FOXN3: variants seen among roughly 807,000 people sequenced by gnomAD.
FOXN3 encodes forkhead box protein N3.
Under a neutral mutation model 38.4 loss-of-function variants are expected in FOXN3, and 7 were observed. The ratio of observed to expected loss-of-function variants is 0.18; its 90% CI spans 0.10 to 0.34. The LOEUF (loss-of-function observed/expected upper bound fraction) is 0.34. Among genes scored for constraint, FOXN3 ranks in the 10% least tolerant of loss-of-function variants. The pLI is 1.00. For synonymous variants in FOXN3, 230 were observed against 242.2 expected (o/e 0.95, Z 0.47); for missense variants, 456 against 613.4 (o/e 0.74, Z 2.71).
intron 1 of FOXN3, among the ~76,000 whole-genome samples, chr14:89,432,621 T>C (rs990221023): frequency 2.0e-5 from 3 of 152,124 alleles, no homozygotes; most frequent in Non-Finnish European, 2.9e-5. Flanking sequence ...AAGATCCCCA[T>C]GTCCCTCTGG....
intron 4 of FOXN3, among the ~76,000 whole-genome samples, chr14:89,249,799 C>T (rs1885401454): frequency 6.6e-6 from 1 of 152,176 alleles, no homozygotes; most frequent in African/African-American, 2.4e-5. Flanking sequence ...GGGACAGGCT[C>T]TTCAGCCCAT....
At chr14:89,510,145 G>T (rs441026) in intron 1 of FOXN3, among the ~76,000 whole-genome samples, 60,672 of 152,062 alleles carry the variant, frequency 0.4, 13,936 homozygotes, top group Non-Finnish European at 0.52. Flanking sequence ...AGGCAGGAAG[G>T]AGAATTCCTC....
intron 3 of FOXN3, among the ~76,000 whole-genome samples, chr14:89,325,733 C>A (rs1359931843): frequency 6.6e-6 from 1 of 152,204 alleles, no homozygotes; most frequent in Non-Finnish European, 1.5e-5. Context: ...GGTGACACTG[C>A]AGGCCCTGAC....
At chr14:89,370,455 A>C (rs1890284957) in intron 2 of FOXN3, among the ~76,000 whole-genome samples, 1 of 152,234 alleles carries the variant, frequency 6.6e-6, no homozygotes, top group Non-Finnish European at 1.5e-5. Flanking sequence ...GATGGTTCAG[A>C]GGGTTCCCAC....
chr14:89,442,581 G>T (rs1415140425), intron 1 of FOXN3, among the ~76,000 whole-genome samples: 1 of 152,204 alleles, frequency 6.6e-6, no homozygotes, highest in Non-Finnish European at 1.5e-5. Flanking sequence ...CCAAGTGAGA[G>T]ACTGATGGAT....
At chr14:89,243,862 A>G (rs1334632555) in intron 4 of FOXN3, among the ~76,000 whole-genome samples, 1 of 152,236 alleles carries the variant, frequency 6.6e-6, no homozygotes, top group Non-Finnish European at 1.5e-5. Flanking sequence ...CTGCGTCTGC[A>G]TCGCGCCCGC....
chr14:89,236,034 C>T (rs10146744), intron 4 of FOXN3, among the ~76,000 whole-genome samples: 3,426 of 152,292 alleles, frequency 0.022, 130 homozygotes, highest in African/African-American at 0.079. Flanking sequence ...GCAGAGCTGG[C>T]GCTCATGGCT....
chr14:89,570,200 C>T (rs1895462830), intron 1 of FOXN3, among the ~76,000 whole-genome samples: 1 of 152,046 alleles, frequency 6.6e-6, no homozygotes, highest in South Asian at 2.1e-4. Flanking sequence ...AAGGTTTCAC[C>T]ATGTTAGCCA....
chr14:89,326,954 C>G (rs1004514722), intron 3 of FOXN3, among the ~76,000 whole-genome samples: 1 of 152,168 alleles, frequency 6.6e-6, no homozygotes, highest in South Asian at 2.1e-4. Context: ...CAACATTTCC[C>G]GGGTACGTAA....
At chr14:89,610,186 T>G (rs77416494) in intron 1 of FOXN3, among the ~76,000 whole-genome samples, 6,894 of 152,146 alleles carry the variant, frequency 0.045, 284 homozygotes, top group African/African-American at 0.11. Context: ...CCTGCTGATG[T>G]CCTGGGCACA....
upstream of FOXN3, among the ~76,000 whole-genome samples, chr14:89,418,998 TGG>T (rs1891836391): frequency 7.6e-6 from 1 of 131,344 alleles, no homozygotes; most frequent in Non-Finnish European, 1.5e-5. Flanking sequence ...TAAGTAGAGG[TGG>T]CACCTTATTT....
chr14:89,387,576 C>T (rs1011676606), intron 2 of FOXN3, among the ~76,000 whole-genome samples: 41 of 152,190 alleles, frequency 2.7e-4, no homozygotes, highest in Admixed American at 2.6e-3. Context: ...AACTCATCTG[C>T]TCTGCTCCTT....
intron 1 of FOXN3, among the ~76,000 whole-genome samples, chr14:89,422,643 AC>A (rs1891939628): frequency 1.3e-5 from 2 of 152,148 alleles, no homozygotes; most frequent in Non-Finnish European, 2.9e-5. Flanking sequence ...CGGCTGGAAG[AC>A]CCTTAACATC....
intron 2 of FOXN3, among the ~76,000 whole-genome samples, chr14:89,365,176 C>T (rs1166412255): frequency 1.3e-5 from 2 of 152,148 alleles, no homozygotes; most frequent in Admixed American, 1.3e-4. Flanking sequence ...CCTCCTTCTC[C>T]CCACCACACG....
At chr14:89,314,277 G>A (rs993632747) in intron 3 of FOXN3, among the ~76,000 whole-genome samples, 118 of 152,234 alleles carry the variant, frequency 7.8e-4, no homozygotes, top group African/African-American at 2.7e-3. Context: ...AATACAATAA[G>A]CTATTTTAAT....
At chr14:89,226,467 G>C (rs1037677516) in intron 4 of FOXN3, among the ~76,000 whole-genome samples, 1 of 151,982 alleles carries the variant, frequency 6.6e-6, no homozygotes, top group Non-Finnish European at 1.5e-5. Context: ...GTAGAGATGG[G>C]GCCTCACTAT....
chr14:89,185,324 A>T (rs971844691), intron 4 of FOXN3, among the ~76,000 whole-genome samples: 1 of 152,192 alleles, frequency 6.6e-6, no homozygotes, highest in Non-Finnish European at 1.5e-5. Flanking sequence ...CTGAAGAACA[A>T]GTCACAGCCA....
intron 2 of FOXN3, among the ~76,000 whole-genome samples, chr14:89,381,691 CTA>C (rs926498986): frequency 2.0e-5 from 3 of 151,998 alleles, no homozygotes; most frequent in African/African-American, 7.2e-5. Context: ...GACCCCATCT[CTA>C]TGAAAAAATT....
intron 4 of FOXN3, among the ~76,000 whole-genome samples, chr14:89,242,705 G>C (rs1885176380): frequency 6.6e-6 from 1 of 152,100 alleles, no homozygotes; most frequent in African/African-American, 2.4e-5. Context: ...ACCGGGAAAA[G>C]GCAAAGGAGA....
Sources: gnomAD v4.1 joint callset for allele counts (sites outside exome capture counted in the v4.1 genomes callset) on GRCh38, gnomAD v4.1.1 for gene constraint, MANE v1.5 for transcripts, NCBI Gene and HGNC (gene_info 2026-07-23, HGNC 2026-07-21) for gene names.